Variants in TBCK observed in about 807,000 individuals in gnomAD.
The protein encoded by TBCK is TBC domain-containing protein kinase-like protein.
Under a neutral mutation model 113.4 loss-of-function variants are expected in TBCK, and 99 were observed. The observed-to-expected ratio is 0.87, with a 90% confidence interval of 0.74 to 1.03. The LOEUF (loss-of-function observed/expected upper bound fraction) is 1.03, where lower values mean the gene tolerates loss of function less well. Ranked by LOEUF, TBCK falls within the 50% of genes least tolerant of loss-of-function variation. The probability of loss-of-function intolerance (pLI) is 0.00; values close to 1 mark genes in which losing one functional copy is unlikely to be tolerated. For synonymous variants in TBCK, 369 were observed against 370.8 expected (o/e 1.00, Z 0.05); for missense variants, 1,045 against 1,061.3 (o/e 0.98, Z 0.21).
chr4:106,237,485 T>G (rs1163058435), intron 12 of TBCK: 2 of 455,884 alleles, frequency 4.4e-6, no homozygotes, highest in Admixed American at 4.7e-5. Context: ...GTTAATGCCA[T>G]CTTGCCTGCT....
intron 19 of TBCK, among the ~76,000 whole-genome samples, chr4:106,225,166 C>T (rs1315270533): frequency 6.6e-6 from 1 of 151,878 alleles, no homozygotes; most frequent in Non-Finnish European, 1.5e-5. Context: ...TGTTTTTTTT[C>T]TTATGTAACA....
At chr4:106,102,148 C>T (rs1741630389) in intron 24 of TBCK, among the ~76,000 whole-genome samples, 1 of 152,174 alleles carries the variant, frequency 6.6e-6, no homozygotes. Flanking sequence ...AGAGTTTAGA[C>T]TATATTAGGG....
At chr4:106,258,458 A>G (rs1762206896) in intron 5 of TBCK, among the ~76,000 whole-genome samples, 1 of 151,950 alleles carries the variant, frequency 6.6e-6, no homozygotes, top group South Asian at 2.1e-4. Flanking sequence ...TTTCCTGGCT[A>G]ATGTTTCACA....
Position 106,308,906 on chromosome 4 carries a change from G to C in TBCK, c.55C>G (p.Leu19Val). ...TTGCTTCCACAAACATCATGTGGCA[G>C]AGCCGAGGCAAAGAAGGTAAAGGCT... ...MGAFTFFASALPHDVCGSNGL... is the reference protein window; with the variant it reads ...MGAFTFFASAVPHDVCGSNGL... The change falls in exon 2 of 26, where the codon CTG (leucine) becomes GTG (valine). Residue 19 changes from leucine (L) to valine (V), a missense_variant. By Grantham distance (32) the Leu-to-Val change is conservative. Transcript: ENST00000394708. The C allele has an allele frequency of 6.2e-7, 1 of 1,614,168 alleles. No homozygotes were observed. Among genetic ancestry groups the C allele is most frequent in the Non-Finnish European group, 8.5e-7 (1 of 1,180,034 alleles).
At chr4:106,160,973 C>T (rs1749707754) in intron 23 of TBCK, among the ~76,000 whole-genome samples, 1 of 151,778 alleles carries the variant, frequency 6.6e-6, no homozygotes, top group Admixed American at 6.6e-5. Context: ...TATATGATTC[C>T]AACTCTATGA....
Position 106,135,622 on chromosome 4 carries a change from G to A in TBCK, c.2236-19244C>T, listed in dbSNP as rs780629875. Among the ~76,000 whole-genome samples, 21 of 141,784 alleles carry A rather than the reference G, an allele frequency of 1.5e-4. 2 individuals carry two copies. Among genetic ancestry groups the A allele is most frequent in the Non-Finnish European group, 2.9e-4 (18 of 62,466 alleles). The allele number at this position is 141,784 out of a possible 152,430, so 93.0% of individuals were successfully genotyped here. A position where few individuals can be genotyped will look rare whatever the true frequency, so the allele number is the denominator to read the frequency against. On this transcript the variant is annotated intron_variant, in intron 23 of 25. Coordinates refer to ENST00000394708, the MANE Select transcript of TBCK (RefSeq NM_001163435.3). ...GGGTTTGGAAAAGAAGAAAAGAGAAGGAAGACTGTTGTAGAAGTGGGTTAC... is the reference window on the plus strand; with the variant it reads ...GGGTTTGGAAAAGAAGAAAAGAGAAAGAAGACTGTTGTAGAAGTGGGTTAC...
intron 24 of TBCK, among the ~76,000 whole-genome samples, chr4:106,115,286 A>C (rs1445056997): frequency 2.0e-5 from 3 of 152,198 alleles, no homozygotes; most frequent in Admixed American, 1.3e-4. Context: ...TTTGGATTAG[A>C]TATTCTGAAC....
At chr4:106,105,868 TGACTG>T (rs1364530960) in intron 24 of TBCK, among the ~76,000 whole-genome samples, 1 of 152,222 alleles carries the variant, frequency 6.6e-6, no homozygotes, top group African/African-American at 2.4e-5. Flanking sequence ...GTCCTCCAAA[TGACTG>T]CATCAGTCCT....
intron 18 of TBCK, among the ~76,000 whole-genome samples, chr4:106,230,670 T>G (rs1758760089): frequency 6.6e-6 from 1 of 151,908 alleles, no homozygotes; most frequent in Non-Finnish European, 1.5e-5. Context: ...AACTTCAATT[T>G]CAAACTAGCA....
At chr4:106,052,071 C>T (rs1247363644) in intron 25 of TBCK, among the ~76,000 whole-genome samples, 3 of 151,670 alleles carry the variant, frequency 2.0e-5, no homozygotes, top group Admixed American at 6.6e-5. Flanking sequence ...GCTAGTTTTC[C>T]GTATTCAGAT....
chr4:106,208,060 C>T (rs1476243336), intron 20 of TBCK, among the ~76,000 whole-genome samples: 1 of 152,110 alleles, frequency 6.6e-6, no homozygotes, highest in East Asian at 1.9e-4. Context: ...CAGGGATGCT[C>T]AGCATTTGCC....
chr4:106,233,748 C>T (rs1759142048), intron 15 of TBCK, 98 bp from the exon 16 acceptor site: 2 of 822,494 alleles, frequency 2.4e-6, no homozygotes, highest in East Asian at 2.7e-5. Context: ...TCTTTGGAAA[C>T]CTACCCAACT....
chr4:106,068,125 TTAGA>T (rs1736869276), intron 25 of TBCK, among the ~76,000 whole-genome samples: 1 of 152,164 alleles, frequency 6.6e-6, no homozygotes, highest in Admixed American at 6.6e-5. Flanking sequence ...GTCTATCTAT[TTAGA>T]TATTCAATTT....
chr4:106,068,473 T>G (rs1032277198), intron 25 of TBCK, among the ~76,000 whole-genome samples: 1 of 152,228 alleles, frequency 6.6e-6, no homozygotes, highest in African/African-American at 2.4e-5. Context: ...AGAGAAGACA[T>G]GAACTCATCC....
intron 12 of TBCK, chr4:106,237,686 C>T: frequency 2.7e-6 from 1 of 368,194 alleles, no homozygotes; most frequent in Non-Finnish European, 5.4e-6. Flanking sequence ...ATTCAGCAAA[C>T]ACTGAATTTA....
intron 19 of TBCK, among the ~76,000 whole-genome samples, chr4:106,216,831 A>G (rs1189142288): frequency 4.4e-4 from 66 of 151,266 alleles, no homozygotes; most frequent in Middle Eastern, 3.4e-3. Flanking sequence ...TATTCCAATC[A>G]ATAGAAAAAG....
chr4:106,307,901 G>A (rs948156391), intron 2 of TBCK, among the ~76,000 whole-genome samples: 1 of 151,558 alleles, frequency 6.6e-6, no homozygotes, highest in African/African-American at 2.4e-5. Flanking sequence ...TAACCAATAG[G>A]GTTCAACTTT....
chr4:106,231,339 G>A (rs1389096836), intron 18 of TBCK, among the ~76,000 whole-genome samples: 1 of 151,750 alleles, frequency 6.6e-6, no homozygotes, highest in Non-Finnish European at 1.5e-5. Context: ...AGTGCTTTAT[G>A]GGCTGAAGAA....
intron 19 of TBCK, among the ~76,000 whole-genome samples, chr4:106,218,520 C>T (rs1437719369): frequency 8.3e-6 from 1 of 120,398 alleles, no homozygotes; most frequent in African/African-American, 3.2e-5. Context: ...AACAAATTTA[C>T]AAGAAAAAAA....
Sources: gnomAD v4.1 joint callset for allele counts (sites outside exome capture counted in the v4.1 genomes callset) on GRCh38, gnomAD v4.1.1 for gene constraint, MANE v1.5 for transcripts, NCBI Gene and HGNC (gene_info 2026-07-23, HGNC 2026-07-21) for gene names.